The following LINGO2 variants were observed in gnomAD, a reference collection of about 807,000 sequenced individuals.
LINGO2 encodes the protein leucine rich repeat and Ig domain containing 2, also known as leucine-rich repeat and immunoglobulin-like domain-containing nogo receptor-interacting protein 2.
In LINGO2, 14 loss-of-function variants were observed where a neutral mutation model predicts 30.6. That is an observed-to-expected ratio of 0.46 (90% confidence interval 0.30 to 0.72). The LOEUF (loss-of-function observed/expected upper bound fraction) is 0.72, where lower values mean the gene tolerates loss of function less well. LINGO2 is among the 30% of genes least tolerant of loss of function. LINGO2 has a pLI of 0.07. For synonymous variants in LINGO2, 317 were observed against 288.5 expected (o/e 1.10, Z -1.00); for missense variants, 729 against 751.7 (o/e 0.97, Z 0.35).
intron 2 of LINGO2, among the ~76,000 whole-genome samples, chr9:28,430,903 G>A (rs1253000909): frequency 2.0e-5 from 3 of 152,068 alleles, no homozygotes. Flanking sequence ...AAGCTCACCT[G>A]TGGTTGCTGT....
intron 4 of LINGO2, among the ~76,000 whole-genome samples, chr9:28,171,263 G>A (rs999652231): frequency 3.9e-5 from 6 of 152,186 alleles, no homozygotes; most frequent in South Asian, 2.1e-4. Context: ...AACCCAGTCT[G>A]CAGGGAAGGA....
chr9:28,326,959 T>A (rs1452074293), intron 3 of LINGO2, among the ~76,000 whole-genome samples: 1 of 152,178 alleles, frequency 6.6e-6, no homozygotes, highest in Admixed American at 6.5e-5. Context: ...AAGGTCTGAA[T>A]GCAATTTGTG....
At chr9:28,568,310 A>G (rs564468212) in intron 1 of LINGO2, among the ~76,000 whole-genome samples, 147 of 152,154 alleles carry the variant, frequency 9.7e-4, no homozygotes, top group African/African-American at 3.4e-3. Flanking sequence ...AACAACAGAC[A>G]CGGGGGTCTA....
rs1199182969 is a variant in LINGO2 at position 28,011,380 on chromosome 9, G to C, written c.-36+975C>G. 7.2e-5 allele frequency among the ~76,000 whole-genome samples: 11 copies of C among 152,316 alleles called. No individual in the cohort carries two copies. The South Asian group carries it at 2.1e-3, about 29-fold the overall frequency. ...ATACTGTGTACATCATTCTGCATTA[G>C]GAAATAGCAAGAATAGAGAGTACAG... is the stretch of plus-strand genomic sequence containing the variant. On this transcript the variant is annotated intron_variant, in intron 5 of 5. Coordinates refer to ENST00000379992, the Ensembl canonical transcript of LINGO2.
the LINGO2 span, among the ~76,000 whole-genome samples, chr9:28,781,608 G>T: frequency 6.6e-6 from 1 of 152,078 alleles, no homozygotes; most frequent in Non-Finnish European, 1.5e-5. Flanking sequence ...AATATAAGAG[G>T]CATGGAGTGA....
the LINGO2 span, among the ~76,000 whole-genome samples, chr9:29,009,394 A>C: frequency 6.6e-6 from 1 of 152,114 alleles, no homozygotes; most frequent in African/African-American, 2.4e-5. Flanking sequence ...CCAATTACAG[A>C]CAGACAGCCA....
intron 2 of LINGO2, among the ~76,000 whole-genome samples, chr9:28,443,070 A>G (rs1039572656): frequency 5.9e-5 from 9 of 152,164 alleles, no homozygotes; most frequent in Admixed American, 2.0e-4. Context: ...TTATAATTTT[A>G]TATAGACTAT....
the LINGO2 span, among the ~76,000 whole-genome samples, chr9:28,912,302 G>A: frequency 6.6e-6 from 1 of 152,036 alleles, no homozygotes; most frequent in Non-Finnish European, 1.5e-5. Flanking sequence ...AACCTGTGCT[G>A]CCCATACTTT....
intron 1 of LINGO2, among the ~76,000 whole-genome samples, chr9:28,664,505 C>T (rs1828713870): frequency 1.3e-5 from 2 of 151,930 alleles, no homozygotes; most frequent in South Asian, 4.2e-4. Context: ...GGAGTAAGAC[C>T]TTGGTCAATT....
chr9:28,020,745 T>C (rs1285413859), intron 4 of LINGO2, among the ~76,000 whole-genome samples: 1 of 152,182 alleles, frequency 6.6e-6, no homozygotes, highest in Non-Finnish European at 1.5e-5. Context: ...TCAGATTGTA[T>C]CAATTTCTCC....
chr9:28,479,910 GGTATATATATA>G (rs1825878826), intron 1 of LINGO2, among the ~76,000 whole-genome samples: 4 of 17,234 alleles, frequency 2.3e-4, no homozygotes, highest in African/African-American at 3.3e-4. Context: ...TATATACGTA[GGTATATATATA>G]TATATATATA....
the LINGO2 span, among the ~76,000 whole-genome samples, chr9:28,706,421 T>G: frequency 6.6e-6 from 1 of 152,140 alleles, no homozygotes; most frequent in African/African-American, 2.4e-5. Context: ...AATGAAGGAA[T>G]AGAATATTTT....
intron 4 of LINGO2, among the ~76,000 whole-genome samples, chr9:28,057,523 A>G (rs1409735175): frequency 6.8e-6 from 1 of 147,320 alleles, no homozygotes; most frequent in Non-Finnish European, 1.5e-5. Flanking sequence ...ATATGTGTGT[A>G]TATATATACA....
chr9:28,763,123 C>T, the LINGO2 span, among the ~76,000 whole-genome samples: 27 of 152,120 alleles, frequency 1.8e-4, no homozygotes, highest in African/African-American at 6.0e-4. Context: ...ATCCCAATCA[C>T]AACCTTATCC....
chr9:28,507,459 T>C (rs1232025516), intron 1 of LINGO2, among the ~76,000 whole-genome samples: 1 of 152,050 alleles, frequency 6.6e-6, no homozygotes, highest in Non-Finnish European at 1.5e-5. Flanking sequence ...TATATCCCAC[T>C]CACCATCCTA....
At chr9:28,960,667 C>T in the LINGO2 span, among the ~76,000 whole-genome samples, 6 of 146,296 alleles carry the variant, frequency 4.1e-5, no homozygotes, top group East Asian at 1.2e-3. Flanking sequence ...TGTGTGGGCA[C>T]ATATTTCATT....
chr9:28,553,848 A>G (rs1269760009), intron 1 of LINGO2, among the ~76,000 whole-genome samples: 5 of 152,132 alleles, frequency 3.3e-5, no homozygotes, highest in African/African-American at 4.8e-5. Context: ...GATATTCAAC[A>G]TTCTTGAAGA....
chr9:28,751,107 T>G, the LINGO2 span, among the ~76,000 whole-genome samples: 2 of 151,164 alleles, frequency 1.3e-5, no homozygotes, highest in Admixed American at 1.3e-4. Context: ...TCTACAAAAA[T>G]AAAAAATATA....
chr9:28,127,756 AG>A (rs1827279172), intron 4 of LINGO2, among the ~76,000 whole-genome samples: 1 of 152,220 alleles, frequency 6.6e-6, no homozygotes, highest in African/African-American at 2.4e-5. Flanking sequence ...AGCAATTCCC[AG>A]GTAGGAAAAT....
Sources: gnomAD v4.1 joint callset for allele counts (sites outside exome capture counted in the v4.1 genomes callset) on GRCh38, gnomAD v4.1.1 for gene constraint, MANE v1.5 for transcripts, NCBI Gene and HGNC (gene_info 2026-07-23, HGNC 2026-07-21) for gene names.